The following GPHN variants were observed in gnomAD, a reference collection of about 807,000 sequenced individuals.
GPHN encodes gephyrin.
GPHN carries 17 observed loss-of-function variants against 95.5 expected under a neutral mutation model. The observed-to-expected ratio is 0.18, with a 90% CI of 0.12 to 0.27. The LOEUF is 0.27. GPHN is among the 10% of genes least tolerant of loss of function. The pLI is 1.00. For synonymous variants in GPHN, 320 were observed against 322.5 expected (o/e 0.99, Z 0.08); for missense variants, 660 against 978.1 (o/e 0.67, Z 4.34).
chr14:66,534,337 T>C (rs1238625100), intron 1 of GPHN, among the ~76,000 whole-genome samples: 1 of 152,172 alleles, frequency 6.6e-6, no homozygotes, highest in East Asian at 1.9e-4. Flanking sequence ...ATTCTGATTT[T>C]TATTATCATA....
At chr14:66,665,864 G>A (rs1018417598) in intron 1 of GPHN, among the ~76,000 whole-genome samples, 1 of 152,130 alleles carries the variant, frequency 6.6e-6, no homozygotes, top group Non-Finnish European at 1.5e-5. Flanking sequence ...ATGTCCATCA[G>A]TGATAGACTG....
At chr14:67,376,057 T>A in the GPHN span, among the ~76,000 whole-genome samples, 1 of 152,220 alleles carries the variant, frequency 6.6e-6, no homozygotes, top group African/African-American at 2.4e-5. Flanking sequence ...AAAAAAAATT[T>A]TTTTTATCGT....
intron 9 of GPHN, among the ~76,000 whole-genome samples, chr14:67,019,246 G>A (rs1244554013): frequency 6.6e-6 from 1 of 152,114 alleles, no homozygotes; most frequent in Non-Finnish European, 1.5e-5. Flanking sequence ...AATTTAAATT[G>A]TGTCTTTCCA....
the GPHN span, chr14:67,352,603 A>C: frequency 1.5e-5 from 3 of 199,542 alleles, no homozygotes; most frequent in African/African-American, 7.0e-5. Flanking sequence ...AGCCAGTTAT[A>C]AGTTCTGGGG....
intron 5 of GPHN, among the ~76,000 whole-genome samples, chr14:66,900,663 T>C (rs570063580): frequency 5.4e-4 from 82 of 152,092 alleles, no homozygotes; most frequent in African/African-American, 1.9e-3. Context: ...GTGCTTGCCT[T>C]GTTTCATTTA....
chr14:67,596,295 A>AT, the GPHN span, among the ~76,000 whole-genome samples: 12,886 of 59,624 alleles, frequency 0.22, 1,846 homozygotes, highest in East Asian at 0.31. Flanking sequence ...CGCCCAGCTA[A>AT]TTTTTTTTTT....
chr14:67,282,678 G>A, the GPHN span, among the ~76,000 whole-genome samples: 1 of 151,900 alleles, frequency 6.6e-6, no homozygotes, highest in Non-Finnish European at 1.5e-5. Context: ...TGAATAATTA[G>A]TATTATAAAT....
At chr14:67,533,971 T>C in the GPHN span, among the ~76,000 whole-genome samples, 1 of 152,176 alleles carries the variant, frequency 6.6e-6, no homozygotes, top group African/African-American at 2.4e-5. Flanking sequence ...AAGAGCCTCA[T>C]CTGGAAGGAA....
chr14:67,125,753 G>A (rs1329238469), intron 17 of GPHN, among the ~76,000 whole-genome samples: 1 of 151,608 alleles, frequency 6.6e-6, no homozygotes, highest in East Asian at 1.9e-4. Flanking sequence ...CTCCAGCCTG[G>A]GTGACAGAGC....
chr14:67,275,604 C>T, the GPHN span, among the ~76,000 whole-genome samples: 224 of 152,070 alleles, frequency 1.5e-3, no homozygotes, highest in Middle Eastern at 3.4e-3. Context: ...TGTCTCTGCC[C>T]GGCTTTGGTA....
In GPHN at chr14:66,613,872, A is replaced by G. The variant is rs184761200; in HGVS notation, c.65-67235A>G. Among the ~76,000 whole-genome samples the G allele has an allele frequency of 7.2e-5, 11 of 152,256 alleles. No homozygotes were observed. The East Asian group carries it at 1.9e-3, about 27-fold the overall frequency. On this transcript the variant is annotated intron_variant, in intron 1 of 22. Coordinates refer to ENST00000478722, the MANE Select transcript of GPHN (RefSeq NM_020806.5). ...GCACCATTTTAAATTCTTATTATTA[A>G]TGCATAAGCATTCCAGTTGTTTCAT...
chr14:67,614,382 G>A, the GPHN span, among the ~76,000 whole-genome samples: 1,523 of 152,316 alleles, frequency 1.0e-2, 11 homozygotes, highest in Non-Finnish European at 0.016. Flanking sequence ...TGGATTTGCA[G>A]TAAACAATGG....
intron 3 of GPHN, among the ~76,000 whole-genome samples, chr14:66,800,493 T>C (rs2060308164): frequency 6.6e-6 from 1 of 152,212 alleles, no homozygotes; most frequent in South Asian, 2.1e-4. Context: ...TATAAATATG[T>C]CATGCCCCTC....
the GPHN span, among the ~76,000 whole-genome samples, chr14:67,258,650 G>A: frequency 4.5e-4 from 68 of 152,246 alleles, 2 homozygotes; most frequent in African/African-American, 1.6e-3. Flanking sequence ...TTGAACTCCT[G>A]GACTCAAGTG....
chr14:66,898,673 TC>T (rs968761806), intron 5 of GPHN, among the ~76,000 whole-genome samples: 9 of 151,934 alleles, frequency 5.9e-5, no homozygotes, highest in African/African-American at 2.2e-4. Flanking sequence ...GACAGATTCC[TC>T]CCACTTTAGT....
intron 8 of GPHN, among the ~76,000 whole-genome samples, chr14:66,932,454 T>TTTTG (rs1567118350): frequency 9.1e-6 from 1 of 109,798 alleles, no homozygotes; most frequent in Non-Finnish European, 2.0e-5. Context: ...GTTTTTTTTT[T>TTTTG]TTTTTTTTTT....
At chr14:66,957,131 GA>G (rs1307771735) in intron 8 of GPHN, among the ~76,000 whole-genome samples, 39 of 110,292 alleles carry the variant, frequency 3.5e-4, no homozygotes, top group East Asian at 1.4e-3. Context: ...AAAAAAAAAA[GA>G]AAAAAAAAGT....
chr14:67,100,479 A>G (rs1173911665), intron 12 of GPHN, among the ~76,000 whole-genome samples: 3 of 152,152 alleles, frequency 2.0e-5, no homozygotes, highest in Admixed American at 6.5e-5. Context: ...CCATGAGTGT[A>G]CACACACACA....
the GPHN span, among the ~76,000 whole-genome samples, chr14:67,211,284 A>T: frequency 6.6e-6 from 1 of 152,322 alleles, no homozygotes; most frequent in African/African-American, 2.4e-5. Context: ...GGAAAGAGAG[A>T]GGAAGATAGG....
Sources: gnomAD v4.1 joint callset for allele counts (sites outside exome capture counted in the v4.1 genomes callset) on GRCh38, gnomAD v4.1.1 for gene constraint, MANE v1.5 for transcripts, NCBI Gene and HGNC (gene_info 2026-07-23, HGNC 2026-07-21) for gene names.